Variants in LSP1 observed in about 807,000 individuals in gnomAD.
The protein encoded by LSP1 is lymphocyte-specific protein 1.
In LSP1, 32 loss-of-function variants were observed where a neutral mutation model predicts 49.3. The ratio of observed to expected loss-of-function variants is 0.65; its 90% confidence interval spans 0.49 to 0.87. The LOEUF (loss-of-function observed/expected upper bound fraction) is 0.87, where lower values mean the gene tolerates loss of function less well. Among genes scored for constraint, LSP1 ranks in the 40% least tolerant of loss-of-function variants. The pLI, the probability that LSP1 is intolerant of heterozygous loss-of-function variation, is 0.00. For synonymous variants in LSP1, 179 were observed against 178.8 expected (o/e 1.00, Z -0.01); for missense variants, 428 against 442.6 (o/e 0.97, Z 0.30).
chr11:1,868,718 C>G (rs886779169), intron 1 of LSP1: 2 of 985,634 alleles, frequency 2.0e-6, no homozygotes, highest in African/African-American at 3.5e-5. Flanking sequence ...GCCCAGAAGC[C>G]CAGGCGAGCC....
chr11:1,869,671 C>A (rs956586712), intron 1 of LSP1: 2 of 470,372 alleles, frequency 4.3e-6, no homozygotes, highest in South Asian at 1.5e-5. Context: ...CAAAGACGGG[C>A]GGTAGGAGGA....
At chr11:1,865,679 C>T (rs890248553) in intron 1 of LSP1, among the ~76,000 whole-genome samples, 21 of 151,146 alleles carry the variant, frequency 1.4e-4, no homozygotes, top group South Asian at 2.1e-4. Flanking sequence ...CCTGCACCGC[C>T]GGCTGCACTG....
In LSP1 at chr11:1,871,252, C is replaced by A. The variant is rs575393634; in HGVS notation, c.54-8835C>A. On this transcript the variant is annotated intron_variant, in intron 1 of 10. Transcript: ENST00000311604. ...CACGGGGCAGGCAGAGCCGCAGCCA[C>A]GCCGCCGGGATGCAGCAGGCAGGGC... 9 of 986,766 alleles carry A rather than the reference C, an allele frequency of 9.1e-6. No individual in the cohort carries two copies. The African/African-American group carries it at 1.6e-4, about 17-fold the overall frequency. 61.1% of individuals were successfully genotyped at this position (986,766 alleles called of 1,614,324 possible). A position where few individuals can be genotyped will look rare whatever the true frequency, so the allele number is the denominator to read the frequency against.
At chr11:1,890,554 C>G (rs918671834) in intron 10 of LSP1, 3 of 712,318 alleles carry the variant, frequency 4.2e-6, no homozygotes, top group Non-Finnish European at 7.8e-6. Context: ...CCGCACACCT[C>G]GGGTGCCATC....
intron 1 of LSP1, among the ~76,000 whole-genome samples, chr11:1,863,835 C>T (rs1264546241): frequency 6.6e-6 from 1 of 152,172 alleles, no homozygotes; most frequent in African/African-American, 2.4e-5. Flanking sequence ...CCATGCTGTG[C>T]CAATACCAAA....
At chr11:1,865,441 T>TGAGGCCTCTC (rs1420011185) in intron 1 of LSP1, among the ~76,000 whole-genome samples, 1 of 143,196 alleles carries the variant, frequency 7.0e-6, no homozygotes, top group Non-Finnish European at 1.6e-5. Flanking sequence ...GGAGGCTGCT[T>TGAGGCCTCTC]GAGGCCTCTC....
chr11:1,882,614 C>G (rs1589828379), intron 3 of LSP1, among the ~76,000 whole-genome samples: 1 of 152,134 alleles, frequency 6.6e-6, no homozygotes, highest in African/African-American at 2.4e-5. Context: ...AGGCTGCTCC[C>G]ACCAGCAGGG....
At chr11:1,878,488 G>A (rs1378954572) in intron 1 of LSP1, among the ~76,000 whole-genome samples, 2 of 152,016 alleles carry the variant, frequency 1.3e-5, no homozygotes, top group East Asian at 1.9e-4. Flanking sequence ...GGCGCGGGGG[G>A]CGGGGTGCAC....
chr11:1,858,426 C>T (rs538263516), intron 1 of LSP1, among the ~76,000 whole-genome samples: 7 of 152,228 alleles, frequency 4.6e-5, no homozygotes. Flanking sequence ...TGGGACCGGG[C>T]GCTGCAGGAC....
chr11:1,890,170 G>C, intron 10 of LSP1: 1 of 717,122 alleles, frequency 1.4e-6, no homozygotes, highest in Non-Finnish European at 2.6e-6. Context: ...AGAATCCTGC[G>C]CTGGGTGAGG....
At chr11:1,887,679 A>G in intron 10 of LSP1, 103 bp downstream of exon 10, 5 of 854,144 alleles carry the variant, frequency 5.9e-6, no homozygotes, top group Middle Eastern at 2.8e-4. Context: ...TGCAGGCTAC[A>G]AGGGTGGACT....
chr11:1,884,275 T>C lies in LSP1; in HGVS notation c.592-5T>C. The C allele has an allele frequency of 1.2e-6, 2 of 1,614,098 alleles. No homozygotes were observed. Among genetic ancestry groups the C allele is most frequent in the Non-Finnish European group, 1.7e-6 (2 of 1,179,990 alleles). On this transcript the variant is annotated splice_polypyrimidine_tract_variant and splice_region_variant and intron_variant, in intron 5 of 10. Transcript: ENST00000311604. The surrounding 1 kb of genome is among the most constrained non-coding windows in gnomAD (Gnocchi z 4.1). ...CAGGCCTGTGTCTCTCTCCACCCTCTGCAGCTCATCGACAGGACCGAGTCC... is the reference window on the plus strand; with the variant it reads ...CAGGCCTGTGTCTCTCTCCACCCTCCGCAGCTCATCGACAGGACCGAGTCC...
In LSP1 at chr11:1,883,455, T is replaced by C; in HGVS notation, c.393T>C (p.Asp131=). 1 of 1,614,068 alleles carries C rather than the reference T, an allele frequency of 6.2e-7. No individual in the cohort carries two copies. ...GLHAYEKEDS[D]EVHLEELSLS... ...ATGCCTACGAAAAGGAGGACAGTGA[T>C]GAAGTCCACCTGGAGGAGTTGAGTC... The change falls in exon 4 of 11, where the codon GAT becomes GAC. Residue 131 remains aspartate (D), a synonymous_variant. Coordinates refer to ENST00000311604, the MANE Select transcript of LSP1 (RefSeq NM_002339.3).
chr11:1,881,176 C>T (rs1335776765), intron 2 of LSP1: 13 of 429,716 alleles, frequency 3.0e-5, no homozygotes, highest in African/African-American at 4.1e-5. Context: ...GGAGGCATAG[C>T]CCTGCTGAGC....
At chr11:1,864,101 A>G (rs1847712974) in intron 1 of LSP1, 1 of 729,720 alleles carries the variant, frequency 1.4e-6, no homozygotes, top group Non-Finnish European at 1.6e-6. Flanking sequence ...GGAGGAGGGA[A>G]GGAGGGAGGG....
chr11:1,858,645 C>T (rs1325063754), intron 1 of LSP1, among the ~76,000 whole-genome samples: 4 of 152,326 alleles, frequency 2.6e-5, no homozygotes, highest in East Asian at 1.9e-4. Context: ...GGGAAGCGAG[C>T]GGGCTGGAGA....
At chr11:1,861,692 TGG>T (rs1847634110) in intron 1 of LSP1, among the ~76,000 whole-genome samples, 1 of 137,064 alleles carries the variant, frequency 7.3e-6, no homozygotes, top group Non-Finnish European at 1.6e-5. Context: ...GGTGGATGGG[TGG>T]GTGGATGGAT....
At chr11:1,880,618 G>C (rs901813345) in intron 2 of LSP1, 4 of 189,356 alleles carry the variant, frequency 2.1e-5, no homozygotes, top group Non-Finnish European at 4.3e-5. Flanking sequence ...AGGCCTCCGC[G>C]GCTGGGCTGG....
intron 1 of LSP1, among the ~76,000 whole-genome samples, chr11:1,858,010 C>A (rs1847532472): frequency 6.6e-6 from 1 of 152,178 alleles, no homozygotes; most frequent in African/African-American, 2.4e-5. Context: ...CCCGCCCCAG[C>A]CTCCCAAAGT....
Sources: gnomAD v4.1 joint callset for allele counts (sites outside exome capture counted in the v4.1 genomes callset) on GRCh38, gnomAD v4.1.1 for gene constraint, Gnocchi (gnomAD v3.1) non-coding constraint, MANE v1.5 for transcripts, NCBI Gene and HGNC (gene_info 2026-07-23, HGNC 2026-07-21) for gene names.